ATG3: variants seen among roughly 807,000 people sequenced by gnomAD.
ATG3 encodes the protein ubiquitin-like-conjugating enzyme ATG3.
Under a neutral mutation model 50.7 loss-of-function variants are expected in ATG3, and 25 were observed. The observed-to-expected ratio is 0.49, with a 90% confidence interval of 0.36 to 0.69. The LOEUF (loss-of-function observed/expected upper bound fraction) is 0.69, where lower values mean the gene tolerates loss of function less well. Ranked by LOEUF, ATG3 falls within the 30% of genes least tolerant of loss-of-function variation. The probability of loss-of-function intolerance (pLI) is 0.00; values close to 1 mark genes in which losing one functional copy is unlikely to be tolerated. For missense variants in ATG3, 281 were observed against 376.0 expected (o/e 0.75, Z 2.09); for synonymous variants, 119 against 125.5 (o/e 0.95, Z 0.34).
At chr3:112,542,105 G>A (rs968131849) in intron 6 of ATG3, among the ~76,000 whole-genome samples, 2 of 147,390 alleles carry the variant, frequency 1.4e-5, no homozygotes, top group Admixed American at 6.7e-5. Context: ...AGGTTATTAT[G>A]GGAGCAGTAA....
chr3:112,555,844 A>T (rs1933656161), intron 2 of ATG3, among the ~76,000 whole-genome samples: 1 of 152,180 alleles, frequency 6.6e-6, no homozygotes, highest in South Asian at 2.1e-4. Context: ...AAAATTCATA[A>T]ATTGATTGAT....
intron 6 of ATG3, 32 bp downstream of exon 6, chr3:112,544,025 T>A (rs1434848347): frequency 6.6e-7 from 1 of 1,510,534 alleles, no homozygotes; most frequent in South Asian, 1.1e-5. Context: ...AACTACTCAT[T>A]AAATTTAAAA....
At chr3:112,537,918 C>G (rs1933117217) in intron 8 of ATG3, 28 bp from the exon 9 acceptor site, 2 of 1,559,886 alleles carry the variant, frequency 1.3e-6, no homozygotes, top group Non-Finnish European at 1.7e-6. Flanking sequence ...GAAAAATTTA[C>G]AACCATTAAA....
chr3:112,552,956 T>C (rs1174599069), intron 3 of ATG3, among the ~76,000 whole-genome samples: 1 of 152,162 alleles, frequency 6.6e-6, no homozygotes, highest in Non-Finnish European at 1.5e-5. Context: ...AAAAACCTGA[T>C]CAAATTTTAT....
At chr3:112,558,480 G>T in intron 1 of ATG3, 63 bp from the exon 2 acceptor site, 2 of 1,354,660 alleles carry the variant, frequency 1.5e-6, no homozygotes, top group South Asian at 1.2e-5. Context: ...AATATATTTT[G>T]GGGGCAATTA....
chr3:112,553,653 G>C (rs1413337759), intron 2 of ATG3, among the ~76,000 whole-genome samples: 1 of 151,990 alleles, frequency 6.6e-6, no homozygotes, highest in Non-Finnish European at 1.5e-5. Context: ...ATAAATGTAA[G>C]GCTATCAGAT....
At chr3:112,551,433 T>C (rs1391092205) in intron 3 of ATG3, among the ~76,000 whole-genome samples, 2 of 152,196 alleles carry the variant, frequency 1.3e-5, no homozygotes, top group African/African-American at 4.8e-5. Flanking sequence ...AAAATGAATT[T>C]TTCCTTTGGC....
intron 10 of ATG3, chr3:112,535,915 T>A (rs1933030969): frequency 6.5e-6 from 1 of 152,938 alleles, no homozygotes; most frequent in African/African-American, 2.4e-5. Flanking sequence ...TAGGTTCAGC[T>A]TCACAGATTT....
At chr3:112,549,942 AAAG>A (rs941681237) in intron 4 of ATG3, among the ~76,000 whole-genome samples, 15 of 152,302 alleles carry the variant, frequency 9.8e-5, no homozygotes, top group African/African-American at 3.4e-4. Flanking sequence ...ATTTCAGTCT[AAAG>A]AAGATTAAAA....
chr3:112,554,495 A>G (rs564750131), intron 2 of ATG3, among the ~76,000 whole-genome samples: 18 of 152,322 alleles, frequency 1.2e-4, no homozygotes, highest in Non-Finnish European at 7.3e-5. Context: ...CCCAAAATCT[A>G]TAAGAACTAA....
intron 1 of ATG3, among the ~76,000 whole-genome samples, chr3:112,559,810 A>G (rs1467218055): frequency 2.0e-5 from 3 of 152,248 alleles, no homozygotes; most frequent in Non-Finnish European, 4.4e-5. Flanking sequence ...AGAACCTTAG[A>G]GATGATTGTA....
intron 6 of ATG3, among the ~76,000 whole-genome samples, 158 bp from the exon 7 acceptor site, chr3:112,542,042 A>G (rs1457522750): frequency 6.6e-6 from 1 of 152,208 alleles, no homozygotes; most frequent in Non-Finnish European, 1.5e-5. Context: ...TAATGAATTC[A>G]TATATCAGTC....
intron 3 of ATG3, among the ~76,000 whole-genome samples, chr3:112,552,987 G>T (rs1341220691): frequency 6.6e-6 from 1 of 152,160 alleles, no homozygotes; most frequent in East Asian, 1.9e-4. Context: ...ATTATTCAAA[G>T]AACCAGAAGG....
intron 2 of ATG3, chr3:112,558,119 G>T (rs1933739001): frequency 2.2e-6 from 1 of 455,898 alleles, no homozygotes. Context: ...AGTGACATAG[G>T]ACTCATTTTG....
chr3:112,540,771 G>A (rs1576716526), intron 7 of ATG3, among the ~76,000 whole-genome samples: 1 of 152,014 alleles, frequency 6.6e-6, no homozygotes, highest in South Asian at 2.1e-4. Flanking sequence ...AAAAAAAAAA[G>A]AGGAAGATAT....
At chr3:112,539,271 C>T (rs1233764576) in intron 7 of ATG3, among the ~76,000 whole-genome samples, 2 of 152,166 alleles carry the variant, frequency 1.3e-5, no homozygotes, top group African/African-American at 2.4e-5. Context: ...TTGTCTCACT[C>T]TGAGTAATGT....
At chr3:112,543,830 C>T (rs1231518686) in intron 6 of ATG3, among the ~76,000 whole-genome samples, 1 of 152,002 alleles carries the variant, frequency 6.6e-6, no homozygotes, top group African/African-American at 2.4e-5. Context: ...CTTAACCATA[C>T]TACAAATTAA....
intron 10 of ATG3, 116 bp downstream of exon 10, chr3:112,536,359 C>A: frequency 7.7e-7 from 1 of 1,302,878 alleles, no homozygotes; most frequent in East Asian, 2.6e-5. Flanking sequence ...GAGAATTTTA[C>A]TTTTTAGTAA....
intron 10 of ATG3, chr3:112,534,623 T>C (rs1015343210): frequency 2.8e-5 from 5 of 181,440 alleles, no homozygotes; most frequent in Non-Finnish European, 5.7e-5. Context: ...TAAAAAGCTA[T>C]GGTAGTCACA....
Sources: allele counts gnomAD v4.1 joint callset (sites outside exome capture counted in the v4.1 genomes callset), GRCh38; gene constraint gnomAD v4.1.1; transcripts MANE v1.5; gene names NCBI Gene and HGNC (gene_info 2026-07-23, HGNC 2026-07-21).